DLGAP2: variants seen among roughly 807,000 people sequenced by gnomAD.
DLGAP2 encodes DLG associated protein 2.
In DLGAP2, 26 loss-of-function variants were observed where a neutral mutation model predicts 100.3. That is an observed-to-expected ratio of 0.26 (90% CI 0.19 to 0.36). The LOEUF (loss-of-function observed/expected upper bound fraction) is 0.36, where lower values mean the gene tolerates loss of function less well. Ranked by LOEUF, DLGAP2 falls within the 10% of genes least tolerant of loss-of-function variation. DLGAP2 has a pLI of 1.00. For synonymous variants in DLGAP2, 886 were observed against 630.1 expected, an observed-to-expected ratio of 1.41 and a Z score of -6.08; for missense variants, 1,858 against 1,453.2, an observed-to-expected ratio of 1.28 and a Z score of -4.53.
intron 2 of DLGAP2, among the ~76,000 whole-genome samples, chr8:1,099,718 G>A (rs1296444715): frequency 6.6e-6 from 1 of 152,216 alleles, no homozygotes; most frequent in East Asian, 1.9e-4. Context: ...ACTAAAAGTA[G>A]CCTGACATTT....
intron 2 of DLGAP2, among the ~76,000 whole-genome samples, chr8:1,254,472 G>A (rs561289315): frequency 2.8e-4 from 43 of 152,268 alleles, no homozygotes; most frequent in African/African-American, 7.2e-4. Flanking sequence ...CTTCTATGTC[G>A]TGGGCCTCCT....
intron 2 of DLGAP2, among the ~76,000 whole-genome samples, chr8:944,998 GGTGT>G (rs2129006127): frequency 6.6e-6 from 1 of 152,238 alleles, no homozygotes; most frequent in African/African-American, 2.4e-5. Flanking sequence ...GTCACTTCTG[GGTGT>G]TTAACACAAT....
intron 2 of DLGAP2, among the ~76,000 whole-genome samples, chr8:1,231,901 TC>T: frequency 6.6e-6 from 1 of 152,058 alleles, no homozygotes; most frequent in East Asian, 1.9e-4. Flanking sequence ...AATCTCAGCA[TC>T]CTACAATAGA....
intron 1 of DLGAP2, among the ~76,000 whole-genome samples, chr8:756,320 G>A (rs1820920701): frequency 6.6e-6 from 1 of 152,130 alleles, no homozygotes; most frequent in Non-Finnish European, 1.5e-5. Context: ...GGCAGGTTGG[G>A]GCTGACGGCA....
intron 1 of DLGAP2, among the ~76,000 whole-genome samples, chr8:863,204 C>A (rs758463989): frequency 1.3e-5 from 2 of 152,094 alleles, no homozygotes; most frequent in Non-Finnish European, 2.9e-5. Context: ...GTGGAAGGGG[C>A]AGTGGCAGGA....
intron 13 of DLGAP2, among the ~76,000 whole-genome samples, chr8:1,695,888 C>T (rs566655925): frequency 6.6e-6 from 1 of 152,370 alleles, no homozygotes; most frequent in Admixed American, 6.5e-5. Flanking sequence ...TTCGGGCTCC[C>T]AGCCGCTGGC....
intron 2 of DLGAP2, among the ~76,000 whole-genome samples, chr8:1,163,545 G>A (rs1036793820): frequency 6.6e-6 from 1 of 152,244 alleles, no homozygotes; most frequent in Non-Finnish European, 1.5e-5. Context: ...ATTCATTAGC[G>A]AGTGTGAGCA....
Position 1,308,484 on chromosome 8 carries a change from A to C in DLGAP2, c.106+49601A>C, listed in dbSNP as rs148838703. 6.9e-3 allele frequency among the ~76,000 whole-genome samples: 1,050 copies of C among 152,350 alleles called. 16 individuals carry two copies. Among genetic ancestry groups the C allele is most frequent in the African/African-American group, 0.024 (994 of 41,586 alleles). Reference sequence around the variant, plus strand: ...AATGACTAAAAGACATATAAAAAACAGGAAAGTATGGTCCATTCAGGACAA... The same window carrying C: ...AATGACTAAAAGACATATAAAAAACCGGAAAGTATGGTCCATTCAGGACAA... On this transcript the variant is annotated intron_variant, in intron 3 of 14. Transcript: ENST00000637795.
At chr8:1,407,526 C>A (rs1292027174) in intron 3 of DLGAP2, among the ~76,000 whole-genome samples, 4 of 139,850 alleles carry the variant, frequency 2.9e-5, no homozygotes, top group Admixed American at 7.1e-5. Flanking sequence ...CGTCCAGAGT[C>A]GTGTATTGAG....
At chr8:1,584,878 C>A (rs1796069033) in intron 6 of DLGAP2, among the ~76,000 whole-genome samples, 1 of 152,070 alleles carries the variant, frequency 6.6e-6, no homozygotes, top group Non-Finnish European at 1.5e-5. Flanking sequence ...CTAGTAAATT[C>A]TTCACTTTTT....
At chr8:839,471 C>A (rs547873483) in intron 1 of DLGAP2, among the ~76,000 whole-genome samples, 2 of 152,242 alleles carry the variant, frequency 1.3e-5, no homozygotes, top group East Asian at 3.9e-4. Context: ...ATAAGCCAGG[C>A]GCAGAAAGAC....
chr8:1,586,679 C>A (rs1363485179), intron 6 of DLGAP2, among the ~76,000 whole-genome samples: 1 of 152,218 alleles, frequency 6.6e-6, no homozygotes, highest in Non-Finnish European at 1.5e-5. Context: ...CCACGTGCGT[C>A]CTTCTGTGGC....
chr8:1,288,897 C>T (rs1273222422), intron 3 of DLGAP2, among the ~76,000 whole-genome samples: 1 of 152,094 alleles, frequency 6.6e-6, no homozygotes, highest in East Asian at 1.9e-4. Context: ...AATTCAGTTG[C>T]TCGGCTTGTT....
At chr8:1,553,303 C>T (rs1228725733) in intron 5 of DLGAP2, among the ~76,000 whole-genome samples, 1 of 152,198 alleles carries the variant, frequency 6.6e-6, no homozygotes, top group African/African-American at 2.4e-5. Flanking sequence ...GTCGCCCGGC[C>T]GCAACCCTGG....
intron 3 of DLGAP2, among the ~76,000 whole-genome samples, chr8:1,377,046 C>A (rs1057402633): frequency 6.6e-6 from 1 of 152,252 alleles, no homozygotes; most frequent in Non-Finnish European, 1.5e-5. Flanking sequence ...CGGTCCCTGG[C>A]TGCTTACATT....
intron 1 of DLGAP2, among the ~76,000 whole-genome samples, chr8:783,171 C>T (rs1053087804): frequency 6.6e-6 from 1 of 152,182 alleles, no homozygotes; most frequent in African/African-American, 2.4e-5. Context: ...CAAGAAGTAT[C>T]CCAGATATTA....
At chr8:1,255,005 GCT>G (rs1799150968) in intron 2 of DLGAP2, among the ~76,000 whole-genome samples, 87 of 99,346 alleles carry the variant, frequency 8.8e-4, no homozygotes, top group African/African-American at 2.5e-3. Context: ...CTCTCATCCT[GCT>G]TGGGCGCTGT....
At chr8:1,563,029 TG>T (rs1364682104) in intron 5 of DLGAP2, among the ~76,000 whole-genome samples, 2 of 42,382 alleles carry the variant, frequency 4.7e-5, no homozygotes, top group Non-Finnish European at 4.2e-5. Context: ...TGTGTGGTTT[TG>T]GGGTGTCCGC....
chr8:1,614,813 C>A (rs941541100), intron 6 of DLGAP2, among the ~76,000 whole-genome samples: 1 of 152,254 alleles, frequency 6.6e-6, no homozygotes, highest in African/African-American at 2.4e-5. Context: ...CAGCCATGAA[C>A]TGTGGAGCCC....
Sources: allele counts gnomAD v4.1 joint callset (sites outside exome capture counted in the v4.1 genomes callset), GRCh38; gene constraint gnomAD v4.1.1; transcripts MANE v1.5; gene names NCBI Gene and HGNC (gene_info 2026-07-23, HGNC 2026-07-21).